Variants in BTG4 observed in about 807,000 individuals in gnomAD.
BTG4 encodes BTG anti-proliferation factor 4.
A neutral mutation model predicts 19.3 loss-of-function variants in BTG4; 10 were observed. The observed-to-expected ratio is 0.52, with a 90% CI of 0.32 to 0.88. BTG4 has a LOEUF of 0.88. Ranked by LOEUF, BTG4 falls within the 40% of genes least tolerant of loss-of-function variation. The probability of loss-of-function intolerance (pLI) is 0.04; values close to 1 mark genes in which losing one functional copy is unlikely to be tolerated. For synonymous variants in BTG4, 91 were observed against 95.7 expected, an observed-to-expected ratio of 0.95 and a Z score of 0.29; for missense variants, 238 against 281.9, an observed-to-expected ratio of 0.84 and a Z score of 1.11.
the BTG4 span, among the ~76,000 whole-genome samples, chr11:111,413,214 T>C: frequency 6.6e-6 from 1 of 152,202 alleles, no homozygotes; most frequent in African/African-American, 2.4e-5. Context: ...GAGTGAGTCA[T>C]GGAAATGCAG....
the BTG4 span, among the ~76,000 whole-genome samples, chr11:111,458,905 C>T: frequency 3.3e-5 from 5 of 152,134 alleles, no homozygotes; most frequent in Non-Finnish European, 5.9e-5. Flanking sequence ...AAAACTAACC[C>T]CTCCCTGCCA....
intron 1 of BTG4, among the ~76,000 whole-genome samples, chr11:111,503,675 G>T (rs538563284): frequency 6.6e-6 from 1 of 152,248 alleles, no homozygotes; most frequent in African/African-American, 2.4e-5. Flanking sequence ...AGAACAGAAA[G>T]GCAGTGAAGC....
the BTG4 span, among the ~76,000 whole-genome samples, chr11:111,403,097 A>C: frequency 1.3e-5 from 2 of 152,306 alleles, no homozygotes; most frequent in Non-Finnish European, 1.5e-5. Context: ...CAAGAGTCAC[A>C]GGGCTGCTCC....
chr11:111,461,491 T>C, the BTG4 span, among the ~76,000 whole-genome samples: 1 of 151,954 alleles, frequency 6.6e-6, no homozygotes. Context: ...AAGGCAGAGG[T>C]GGGAGGATCA....
the BTG4 span, among the ~76,000 whole-genome samples, chr11:111,458,833 T>C: frequency 2.0e-5 from 3 of 152,176 alleles, no homozygotes; most frequent in Admixed American, 6.5e-5. Context: ...CAGGTCAGAA[T>C]TGACTTGAGT....
At chr11:111,470,777 G>T (rs997497067) in intron 5 of BTG4, among the ~76,000 whole-genome samples, 8 of 151,936 alleles carry the variant, frequency 5.3e-5, no homozygotes, top group African/African-American at 1.5e-4. Flanking sequence ...AAATAAATTA[G>T]CCGGGCATGG....
At chr11:111,498,508 A>T in intron 2 of BTG4, 96 bp downstream of exon 2, 1 of 1,107,928 alleles carries the variant, frequency 9.0e-7, no homozygotes, top group Non-Finnish European at 1.3e-6. Flanking sequence ...AACTTTTGTT[A>T]CTTATATGCA....
the BTG4 span, among the ~76,000 whole-genome samples, chr11:111,437,011 T>C: frequency 2.0e-5 from 3 of 152,184 alleles, no homozygotes; most frequent in African/African-American, 7.2e-5. Flanking sequence ...TGAACAGCCC[T>C]GTCTGCGGAG....
the BTG4 span, among the ~76,000 whole-genome samples, chr11:111,402,118 G>A: frequency 6.6e-6 from 1 of 152,154 alleles, no homozygotes; most frequent in Non-Finnish European, 1.5e-5. Flanking sequence ...TTCCCATGCT[G>A]TCCTCGTGAT....
At chr11:111,397,669 G>A in the BTG4 span, 1 of 152,224 alleles carries the variant, frequency 6.6e-6, no homozygotes, top group Non-Finnish European at 1.5e-5. Flanking sequence ...GGGGTAAGGG[G>A]CAGTATCTTC....
chr11:111,508,492 C>T (rs1233076665), intron 1 of BTG4, among the ~76,000 whole-genome samples: 3 of 151,926 alleles, frequency 2.0e-5, no homozygotes, highest in Admixed American at 6.6e-5. Flanking sequence ...CATTGCTCTT[C>T]CAATTGGCCT....
At chr11:111,396,132 A>G in the BTG4 span, among the ~76,000 whole-genome samples, 1 of 152,206 alleles carries the variant, frequency 6.6e-6, no homozygotes, top group African/African-American at 2.4e-5. Flanking sequence ...TTCAGAGCCA[A>G]TGTCCCCTTC....
chr11:111,436,816 C>T, the BTG4 span, among the ~76,000 whole-genome samples: 11 of 152,238 alleles, frequency 7.2e-5, no homozygotes, highest in South Asian at 2.1e-4. Context: ...CCAGGCAAGG[C>T]GCCCTCGAGC....
the BTG4 span, among the ~76,000 whole-genome samples, chr11:111,442,574 CA>C: frequency 1.3e-5 from 2 of 148,424 alleles, no homozygotes; most frequent in South Asian, 4.3e-4. Context: ...CTTATAGTGC[CA>C]AAAATATAAG....
intron 3 of BTG4, 121 bp downstream of exon 3, chr11:111,497,877 C>G (rs1306268633): frequency 9.1e-7 from 1 of 1,094,350 alleles, no homozygotes; most frequent in African/African-American, 1.6e-5. Flanking sequence ...AAATCTTAAC[C>G]AAGAAGTATC....
chr11:111,497,121 G>GT (rs748242479), intron 4 of BTG4, 90 bp downstream of exon 4: 21 of 1,299,192 alleles, frequency 1.6e-5, no homozygotes, highest in East Asian at 4.8e-5. Flanking sequence ...TTCTTTCCAT[G>GT]TTTTTTTGCT....
At chr11:111,453,149 C>T in the BTG4 span, among the ~76,000 whole-genome samples, 12 of 152,128 alleles carry the variant, frequency 7.9e-5, no homozygotes, top group Admixed American at 6.5e-4. Context: ...GGACTCTAAC[C>T]CCTAGGCAAG....
At chr11:111,451,483 A>T in the BTG4 span, 1 of 426,268 alleles carries the variant, frequency 2.3e-6, no homozygotes, top group Non-Finnish European at 4.9e-6. Context: ...ATACTGCTGC[A>T]GGCCAGGTGT....
chr11:111,476,631 TAGAC>T (rs1323510864), intron 5 of BTG4, among the ~76,000 whole-genome samples: 6 of 152,114 alleles, frequency 3.9e-5, no homozygotes, highest in Non-Finnish European at 8.8e-5. Context: ...AGTACCAAAT[TAGAC>T]AGCCTTAAAA....
Sources: allele counts gnomAD v4.1 joint callset (sites outside exome capture counted in the v4.1 genomes callset), GRCh38; gene constraint gnomAD v4.1.1; transcripts MANE v1.5; gene names NCBI Gene and HGNC (gene_info 2026-07-23, HGNC 2026-07-21).